The following TBCD variants were observed in gnomAD, a reference collection of about 807,000 sequenced individuals.
TBCD encodes the protein tubulin-specific chaperone D.
In TBCD, 105 loss-of-function variants were observed where a neutral mutation model predicts 169.3. The observed-to-expected ratio is 0.62, with a 90% CI of 0.53 to 0.73. The LOEUF (loss-of-function observed/expected upper bound fraction) is 0.73. Ranked by LOEUF, TBCD falls within the 30% of genes least tolerant of loss-of-function variation. TBCD has a pLI of 0.00. For synonymous variants in TBCD, 700 were observed against 643.9 expected (o/e 1.09, Z -1.32); for missense variants, 1,444 against 1,600.1 (o/e 0.90, Z 1.66).
Position 82,944,825 on chromosome 17 carries a change from G to C in TBCD, c.*2362G>C, listed in dbSNP as rs1599808477. 1 of 152,188 alleles carries C rather than the reference G, an allele frequency of 6.6e-6. No individual in the cohort carries two copies. Among genetic ancestry groups the C allele is most frequent in the Non-Finnish European group, 1.5e-5 (1 of 68,022 alleles). The allele number at this position is 152,188 out of a possible 1,614,324, so 9.4% of individuals were successfully genotyped here. A position where few individuals can be genotyped will look rare whatever the true frequency, so the allele number is the denominator to read the frequency against. On this transcript the variant is annotated 3_prime_UTR_variant, in exon 39 of 39. Transcript: ENST00000355528. ...GTCACGCTATTTTGATAGCAGAATG[G>C]ATGAGAGAATTTAAGGCCCAGGGCC...
Position 82,929,445 on chromosome 17 carries a change from G to T in TBCD, c.2936G>T (p.Arg979Leu), listed in dbSNP as rs774219082. The T allele has an allele frequency of 6.2e-7, 1 of 1,611,786 alleles. No individual in the cohort carries two copies. Reference protein sequence around the residue: ...ITQLLGLPTYRYHVLLGLVVS... With the variant: ...ITQLLGLPTYLYHVLLGLVVS... ...CAGCTCCTTGGGCTGCCCACCTACC[G>T]CTACCACGTCCTGCTGGGGCTAGTC... is the stretch of plus-strand genomic sequence containing the variant. Residue 979 changes from arginine to leucine, a missense_variant, in exon 32 of 39, where the codon CGC becomes CTC. Transcript: ENST00000355528.
At position 82,929,431 on chromosome 17, in the gene TBCD, G is replaced by A; in HGVS notation, c.2922G>A (p.Gly974=). 6.2e-7 allele frequency: 1 copy of A among 1,612,372 alleles called. No homozygotes were observed. Among genetic ancestry groups the A allele is most frequent in the Non-Finnish European group, 8.5e-7 (1 of 1,179,874 alleles). Residue 974 remains glycine, a synonymous_variant, in exon 32 of 39, where the codon GGG becomes GGA. Coordinates refer to ENST00000355528, the MANE Select transcript of TBCD (RefSeq NM_005993.5). ...QAFPRITQLL[G]LPTYRYHVLL... is the part of the protein sequence containing the mutation. ...TCCCACGCATCACCCAGCTCCTTGG[G>A]CTGCCCACCTACCGCTACCACGTCC... is the stretch of plus-strand genomic sequence containing the variant.
chr17:82,884,348 G>A lies in TBCD; in HGVS notation c.1533+146G>A, dbSNP rs2058581015. 1.3e-6 allele frequency: 1 copy of A among 750,516 alleles called. No individual in the cohort carries two copies. The highest frequency in any genetic ancestry group is 2.3e-6 in the Non-Finnish European group (1 of 440,062). 46.5% of individuals were successfully genotyped at this position (750,516 alleles called of 1,614,324 possible). A position where few individuals can be genotyped will look rare whatever the true frequency, so the allele number is the denominator to read the frequency against. Reference sequence around the variant, plus strand: ...GAGCTGCTGAGAGTGCCAGCTGCGGGCAGGCCACTGGTTCTTACTGTCTCT... The same window carrying A: ...GAGCTGCTGAGAGTGCCAGCTGCGGACAGGCCACTGGTTCTTACTGTCTCT... On this transcript the variant is annotated intron_variant, in intron 15 of 38. Coordinates refer to ENST00000355528, the MANE Select transcript of TBCD (RefSeq NM_005993.5). This position sits in a 1 kb window ranked among gnomAD's most constrained non-coding sequence, Gnocchi z 4.2.
At chr17:82,875,678 G>T (rs1317622901) in intron 14 of TBCD, among the ~76,000 whole-genome samples, 1 of 152,258 alleles carries the variant, frequency 6.6e-6, no homozygotes, top group Non-Finnish European at 1.5e-5. Context: ...GGAAAATCAG[G>T]AAATGGCAGG....
rs563843544 is a variant in TBCD, at chr17:82,921,079, T to G, written c.2102-422T>G. The G allele has an allele frequency of 7.4e-4, 187 of 251,306 alleles. 1 individual carries two copies. Among genetic ancestry groups the G allele is most frequent in the African/African-American group, 4.1e-3 (179 of 43,846 alleles). 15.6% of individuals were successfully genotyped at this position (251,306 alleles called of 1,614,324 possible). On this transcript the variant is annotated intron_variant, in intron 24 of 38. Coordinates refer to ENST00000355528, the MANE Select transcript of TBCD (RefSeq NM_005993.5). ...AGGGCTGTGGTGTCCCGGGGCTGTC[T>G]CAGCAGCCTCAGAAGTTAGGACTTT...
rs921254712 is a variant in TBCD at position 82,945,068 on chromosome 17, T to C, written c.*2605T>C. The C allele has an allele frequency of 6.6e-6, 1 of 152,128 alleles. No homozygotes were observed. Among genetic ancestry groups the C allele is most frequent in the African/African-American group, 2.4e-5 (1 of 41,396 alleles). The allele number at this position is 152,128 out of a possible 1,614,324, so 9.4% of individuals were successfully genotyped here. A position where few individuals can be genotyped will look rare whatever the true frequency, so the allele number is the denominator to read the frequency against. On this transcript the variant is annotated 3_prime_UTR_variant, in exon 39 of 39. Transcript: ENST00000355528. ...AGAAGATGCAAATACAAAACCTCTC[T>C]GGTAGAATGTAGGCTATAATATGAG...
chr17:82,925,660 C>A (rs1043417991), intron 27 of TBCD, among the ~76,000 whole-genome samples: 6 of 152,216 alleles, frequency 3.9e-5, no homozygotes. Context: ...CAGCTCCAGA[C>A]GGACTCCTGC....
At chr17:82,793,215 C>CAAGTGAAAGG (rs2144545099) in intron 7 of TBCD, among the ~76,000 whole-genome samples, 1 of 152,366 alleles carries the variant, frequency 6.6e-6, no homozygotes, top group African/African-American at 2.4e-5. Flanking sequence ...TCACTTCCGT[C>CAAGTGAAAGG]AATGGCTTTT....
At chr17:82,793,980 G>A (rs968725039) in intron 7 of TBCD, among the ~76,000 whole-genome samples, 5 of 152,202 alleles carry the variant, frequency 3.3e-5, no homozygotes, top group African/African-American at 7.2e-5. Flanking sequence ...AGGGTGACCC[G>A]CTGGCCTGGA....
intron 34 of TBCD, 136 bp downstream of exon 34, chr17:82,932,871 T>G: frequency 1.3e-6 from 1 of 755,522 alleles, no homozygotes; most frequent in Non-Finnish European, 2.2e-6. Flanking sequence ...TTATGGTGAC[T>G]GTAAATACCG....
chr17:82,919,519 G>GT (rs2061285330), intron 23 of TBCD, among the ~76,000 whole-genome samples: 1 of 152,114 alleles, frequency 6.6e-6, no homozygotes, highest in South Asian at 2.1e-4. Context: ...AAAGGATCCA[G>GT]TATGAAATGG....
rs760635077 is a variant in TBCD, at chr17:82,932,669, C to T, written c.3125C>T (p.Pro1042Leu). 9.3e-6 allele frequency: 15 copies of T among 1,613,456 alleles called. No homozygotes were observed. Among genetic ancestry groups the T allele is most frequent in the Non-Finnish European group, 1.3e-5 (15 of 1,179,796 alleles). Residue 1042 changes from proline (P) to leucine (L), a missense_variant, in exon 34 of 39, where the codon CCG becomes CTG. Physicochemically the swap from Pro to Leu is moderately conservative, Grantham distance 98. Coordinates refer to ENST00000355528, the MANE Select transcript of TBCD (RefSeq NM_005993.5). Reference sequence around the variant, plus strand: ...CCTTCTCCCCTCAGGGTGTCCGTGCCGCTGCTGAAGACGCTGGACCACGTG... The same window carrying T: ...CCTTCTCCCCTCAGGGTGTCCGTGCTGCTGCTGAAGACGCTGGACCACGTG... ...DNLLNERVSV[P>L]LLKTLDHVLT...
In TBCD at chr17:82,885,268, C is replaced by T. The variant is rs74000158; in HGVS notation, c.1533+1066C>T. Reference sequence around the variant, plus strand: ...CTGTCAGCCCTGCAGTGTGTGGCCCCTGGTGAGTGGGGCCGTGCAGGTGCA... The same window carrying T: ...CTGTCAGCCCTGCAGTGTGTGGCCCTTGGTGAGTGGGGCCGTGCAGGTGCA... On this transcript the variant is annotated intron_variant, in intron 15 of 38. Transcript: ENST00000355528. Among the ~76,000 whole-genome samples, 1,240 of 152,208 alleles carry T rather than the reference C, an allele frequency of 8.1e-3. 12 individuals carry two copies. Among genetic ancestry groups the T allele is most frequent in the African/African-American group, 0.028 (1,145 of 41,510 alleles).
chr17:82,767,540 C>G (rs749629650), intron 4 of TBCD, among the ~76,000 whole-genome samples: 3 of 152,096 alleles, frequency 2.0e-5, no homozygotes, highest in Non-Finnish European at 4.4e-5. Flanking sequence ...CTCCCAGGTT[C>G]AAGCGATTCT....
At chr17:82,939,215 T>TGCA (rs2147543329) in intron 36 of TBCD, 152 bp from the exon 37 acceptor site, 1 of 678,772 alleles carries the variant, frequency 1.5e-6, no homozygotes, top group East Asian at 2.7e-5. Flanking sequence ...TCCTCTTGGT[T>TGCA]GCAGCCCTGC....
chr17:82,892,505 A>G (rs918117530), intron 16 of TBCD, among the ~76,000 whole-genome samples: 2 of 152,136 alleles, frequency 1.3e-5, no homozygotes, highest in Middle Eastern at 3.4e-3. Context: ...AGAAAGCCGC[A>G]TGGTACCTGC....
rs957808559 is a variant in TBCD at position 82,768,400 on chromosome 17, C to T, written c.436-20C>T. On this transcript the variant is annotated intron_variant, in intron 4 of 38. Transcript: ENST00000355528. Reference sequence around the variant, plus strand: ...TGATTTTCAAGCAAGACTCATTCTTCCCGTGGTTTAATTTTTTAGGCTTGG... The same window carrying T: ...TGATTTTCAAGCAAGACTCATTCTTTCCGTGGTTTAATTTTTTAGGCTTGG... 11 of 1,613,468 alleles carry T rather than the reference C, an allele frequency of 6.8e-6. No homozygotes were observed. Among genetic ancestry groups the T allele is most frequent in the Non-Finnish European group, 7.6e-6 (9 of 1,179,616 alleles).
At chr17:82,929,920 G>A (rs2062058311) in intron 32 of TBCD, 1 of 344,244 alleles carries the variant, frequency 2.9e-6, no homozygotes, top group Non-Finnish European at 5.6e-6. Flanking sequence ...GCCTTGGTCT[G>A]TGGCTGAGCT....
intron 37 of TBCD, among the ~76,000 whole-genome samples, chr17:82,939,822 T>C (rs940422501): frequency 1.3e-5 from 2 of 152,104 alleles, no homozygotes; most frequent in Non-Finnish European, 2.9e-5. Context: ...CTCTCTAAAG[T>C]TCTCTTGGAA....
Sources: allele counts gnomAD v4.1 joint callset (sites outside exome capture counted in the v4.1 genomes callset), GRCh38; gene constraint gnomAD v4.1.1; non-coding constraint Gnocchi (gnomAD v3.1); transcripts MANE v1.5; gene names NCBI Gene and HGNC (gene_info 2026-07-23, HGNC 2026-07-21).